TNIK: variants seen among roughly 807,000 people sequenced by gnomAD.
TNIK encodes TRAF2 and NCK interacting kinase, also known as TRAF2 and NCK-interacting protein kinase.
A neutral mutation model predicts 191.3 loss-of-function variants in TNIK; 49 were observed. That is an observed-to-expected ratio of 0.26 (90% CI 0.20 to 0.32). The LOEUF (loss-of-function observed/expected upper bound fraction) is 0.32, where lower values mean the gene tolerates loss of function less well. Ranked by LOEUF, TNIK falls within the 10% of genes least tolerant of loss-of-function variation. The pLI is 1.00. For missense variants in TNIK, 1,155 were observed against 1,702.3 expected, an observed-to-expected ratio of 0.68 and a Z score of 5.66; for synonymous variants, 594 against 600.9, an observed-to-expected ratio of 0.99 and a Z score of 0.17.
At chr3:171,315,820 T>C (rs13064291) in intron 2 of TNIK, among the ~76,000 whole-genome samples, 3,268 of 152,304 alleles carry the variant, frequency 0.021, 53 homozygotes, top group Middle Eastern at 0.041. Context: ...CCAGTCAAAC[T>C]GGATTAGGAC....
intron 1 of TNIK, among the ~76,000 whole-genome samples, chr3:171,419,286 A>C (rs902102632): frequency 2.0e-4 from 30 of 152,230 alleles, no homozygotes; most frequent in African/African-American, 7.2e-4. Context: ...TACTTAGAGT[A>C]AATGTCCATA....
intron 1 of TNIK, among the ~76,000 whole-genome samples, chr3:171,376,310 G>A (rs1006940145): frequency 2.6e-5 from 4 of 152,144 alleles, no homozygotes; most frequent in Non-Finnish European, 2.9e-5. Flanking sequence ...TCACAGCCAG[G>A]CAAGTTCCCT....
chr3:171,102,126 C>T (rs1475440691), intron 21 of TNIK: 2 of 152,318 alleles, frequency 1.3e-5, no homozygotes, highest in African/African-American at 4.8e-5. Flanking sequence ...GTTCCAGCTA[C>T]TACAGTGACT....
chr3:171,096,381 A>G (rs1320015715), intron 22 of TNIK, among the ~76,000 whole-genome samples: 1 of 151,996 alleles, frequency 6.6e-6, no homozygotes, highest in African/African-American at 2.4e-5. Context: ...TCTACTTTCA[A>G]TCTTCAGTAG....
intron 1 of TNIK, among the ~76,000 whole-genome samples, chr3:171,387,856 T>C (rs947363690): frequency 6.6e-6 from 1 of 152,058 alleles, no homozygotes; most frequent in African/African-American, 2.4e-5. Flanking sequence ...CAGGTGGGGA[T>C]AGAGTGATTG....
intron 1 of TNIK, among the ~76,000 whole-genome samples, chr3:171,416,153 C>T (rs1291811785): frequency 1.3e-5 from 2 of 151,820 alleles, no homozygotes; most frequent in African/African-American, 4.8e-5. Flanking sequence ...GATAAATGTC[C>T]TAGGCTATCT....
At chr3:171,446,473 A>C (rs2108710430) in intron 1 of TNIK, among the ~76,000 whole-genome samples, 1 of 152,342 alleles carries the variant, frequency 6.6e-6, no homozygotes, top group African/African-American at 2.4e-5. Context: ...ATGGAGGATT[A>C]GGTTATAAAC....
Position 171,063,803 on chromosome 3 carries a change from ACT to A in TNIK, c.*76_*77del. On this transcript the variant is annotated 3_prime_UTR_variant, in exon 33 of 33. Coordinates refer to ENST00000436636, the MANE Select transcript of TNIK (RefSeq NM_015028.4). ...CCAAGCCTTCTGATTCTGCCTCTAG[ACT>A]GGCATAAGTCCACATGAGTTATGTT... 6.9e-7 allele frequency: 1 copy of A among 1,454,986 alleles called. No individual in the cohort carries two copies. Among genetic ancestry groups the A allele is most frequent in the Non-Finnish European group, 9.5e-7 (1 of 1,056,328 alleles). The allele number at this position is 1,454,986 out of a possible 1,614,324, so 90.1% of individuals were successfully genotyped here. A position where few individuals can be genotyped will look rare whatever the true frequency, so the allele number is the denominator to read the frequency against.
At chr3:171,072,884 AAGG>A (rs1449296076) in intron 28 of TNIK, among the ~76,000 whole-genome samples, 2 of 152,054 alleles carry the variant, frequency 1.3e-5, no homozygotes, top group African/African-American at 4.8e-5. Context: ...AGACCCCTAC[AAGG>A]AGAACTACAA....
chr3:171,344,758 G>T (rs1711890234), intron 2 of TNIK, among the ~76,000 whole-genome samples: 1 of 151,880 alleles, frequency 6.6e-6, no homozygotes, highest in Non-Finnish European at 1.5e-5. Context: ...CCTCCTGCTT[G>T]AAACGATCCC....
At chr3:171,293,326 T>C (rs940347740) in intron 2 of TNIK, among the ~76,000 whole-genome samples, 3 of 152,240 alleles carry the variant, frequency 2.0e-5, no homozygotes, top group Non-Finnish European at 4.4e-5. Flanking sequence ...TCTTCTATTA[T>C]GCATTTCAGC....
chr3:171,135,737 A>G (rs1729907311), intron 15 of TNIK, among the ~76,000 whole-genome samples: 1 of 152,126 alleles, frequency 6.6e-6, no homozygotes, highest in South Asian at 2.1e-4. Context: ...TGACTGGGAA[A>G]CCTCACATCA....
At chr3:171,150,987 T>C (rs549702226) in intron 12 of TNIK, among the ~76,000 whole-genome samples, 1 of 152,326 alleles carries the variant, frequency 6.6e-6, no homozygotes, top group South Asian at 2.1e-4. Context: ...AAATCATCAG[T>C]TCCAAAATAA....
intron 1 of TNIK, among the ~76,000 whole-genome samples, chr3:171,452,729 A>AACAC (rs10602125): frequency 0.018 from 2,536 of 142,598 alleles, 35 homozygotes; most frequent in African/African-American, 0.031. Flanking sequence ...ACACACTCCA[A>AACAC]ACACACACAC....
chr3:171,099,399 A>G (rs1431801823), intron 22 of TNIK, among the ~76,000 whole-genome samples: 1 of 150,146 alleles, frequency 6.7e-6, no homozygotes, highest in Non-Finnish European at 1.5e-5. Flanking sequence ...AATCTTGCTG[A>G]CAGTTATTTG....
chr3:171,237,535 C>T (rs1744426933), intron 2 of TNIK, among the ~76,000 whole-genome samples: 1 of 151,868 alleles, frequency 6.6e-6, no homozygotes, highest in African/African-American at 2.4e-5. Flanking sequence ...TGAGCACTCC[C>T]AGCCAAATGT....
chr3:171,439,368 A>C (rs1171519181), intron 1 of TNIK, among the ~76,000 whole-genome samples: 6 of 151,884 alleles, frequency 4.0e-5, no homozygotes, highest in Non-Finnish European at 4.4e-5. Flanking sequence ...AAAAAGAAAA[A>C]AAATTGGACC....
At chr3:171,173,208 C>T (rs868068143) in intron 9 of TNIK, among the ~76,000 whole-genome samples, 1 of 144,920 alleles carries the variant, frequency 6.9e-6, no homozygotes, top group African/African-American at 2.6e-5. Flanking sequence ...CACGGTGAAA[C>T]CCTGTCTCTA....
chr3:171,130,225 A>G (rs1410132557), intron 15 of TNIK, among the ~76,000 whole-genome samples: 1 of 152,194 alleles, frequency 6.6e-6, no homozygotes, highest in African/African-American at 2.4e-5. Context: ...GGCAGACTCA[A>G]TCAAATATAC....
Sources: gnomAD v4.1 joint callset for allele counts (sites outside exome capture counted in the v4.1 genomes callset) on GRCh38, gnomAD v4.1.1 for gene constraint, MANE v1.5 for transcripts, NCBI Gene and HGNC (gene_info 2026-07-23, HGNC 2026-07-21) for gene names.